The following GRID2 variants were observed in gnomAD, a reference collection of about 807,000 sequenced individuals.
GRID2 encodes glutamate ionotropic receptor delta type subunit 2.
Under a neutral mutation model 114.8 loss-of-function variants are expected in GRID2, and 33 were observed. The ratio of observed to expected loss-of-function variants is 0.29; its 90% CI spans 0.22 to 0.38. The LOEUF (loss-of-function observed/expected upper bound fraction) is 0.38, where lower values mean the gene tolerates loss of function less well. Among genes scored for constraint, GRID2 ranks in the 10% least tolerant of loss-of-function variants. The pLI, the probability that GRID2 is intolerant of heterozygous loss-of-function variation, is 1.00. For missense variants in GRID2, 1,184 were observed against 1,257.7 expected, an observed-to-expected ratio of 0.94 and a Z score of 0.89; for synonymous variants, 505 against 449.9, an observed-to-expected ratio of 1.12 and a Z score of -1.55.
intron 1 of GRID2, among the ~76,000 whole-genome samples, chr4:93,783,311 G>A (rs1734519560): frequency 6.6e-6 from 1 of 152,242 alleles, no homozygotes; most frequent in Non-Finnish European, 1.5e-5. Flanking sequence ...GGAAAGTTAA[G>A]TAATTTGGTT....
chr4:92,358,951 G>A (rs913338350), intron 1 of GRID2, among the ~76,000 whole-genome samples: 1 of 151,640 alleles, frequency 6.6e-6, no homozygotes, highest in African/African-American at 2.4e-5. Flanking sequence ...TTCATGTTTT[G>A]AACAATAGTA....
rs571169563 is a variant in GRID2 at position 93,706,583 on chromosome 4, T to C, written c.2361-62627T>C. Among the ~76,000 whole-genome samples the C allele has an allele frequency of 5.3e-5, 8 of 152,330 alleles. No individual in the cohort carries two copies. The South Asian group carries it at 1.7e-3, about 32-fold the overall frequency. On this transcript the variant is annotated intron_variant, in intron 14 of 15. Transcript: ENST00000282020. ...TTGATTTTGTATCCTGCAACTTTAC[T>C]AAATTTGTGTATCACCTCTAATAGT...
chr4:93,646,235 G>C (rs1390842885), intron 14 of GRID2, among the ~76,000 whole-genome samples: 2 of 152,078 alleles, frequency 1.3e-5, no homozygotes, highest in African/African-American at 4.8e-5. Context: ...ATATAACTGG[G>C]ACAGAGAATA....
chr4:93,653,804 A>G (rs1211162359), intron 14 of GRID2, among the ~76,000 whole-genome samples: 1 of 152,122 alleles, frequency 6.6e-6, no homozygotes, highest in African/African-American at 2.4e-5. Context: ...GAAAGTATAC[A>G]TAGTCAGCGT....
chr4:92,989,998 G>A (rs1340291565), intron 2 of GRID2, among the ~76,000 whole-genome samples: 1 of 152,026 alleles, frequency 6.6e-6, no homozygotes, highest in Non-Finnish European at 1.5e-5. Flanking sequence ...TGAAATCTCC[G>A]TGTTAAAAAA....
intron 2 of GRID2, among the ~76,000 whole-genome samples, chr4:92,954,104 T>C (rs1355688706): frequency 6.6e-6 from 1 of 152,094 alleles, no homozygotes; most frequent in Non-Finnish European, 1.5e-5. Flanking sequence ...GACACACACA[T>C]ATATGCACAG....
chr4:92,993,077 C>T (rs1043213002), intron 2 of GRID2, among the ~76,000 whole-genome samples: 3 of 151,924 alleles, frequency 2.0e-5, no homozygotes, highest in Non-Finnish European at 4.4e-5. Flanking sequence ...GTGTATCCAT[C>T]GAATTACAGT....
chr4:92,670,849 G>A (rs1733024099), intron 2 of GRID2, among the ~76,000 whole-genome samples: 1 of 152,030 alleles, frequency 6.6e-6, no homozygotes, highest in African/African-American at 2.4e-5. Flanking sequence ...TTGAGGTTTG[G>A]ACCTGAGACT....
chr4:92,453,089 C>T (rs1721027728), intron 1 of GRID2, among the ~76,000 whole-genome samples: 1 of 151,552 alleles, frequency 6.6e-6, no homozygotes, highest in African/African-American at 2.4e-5. Context: ...AAATCATGTC[C>T]TCTAAAGAGC....
At chr4:93,378,095 C>T (rs76008607) in intron 8 of GRID2, among the ~76,000 whole-genome samples, 2 of 152,046 alleles carry the variant, frequency 1.3e-5, no homozygotes, top group Admixed American at 6.6e-5. Context: ...CATGAGCCCT[C>T]CAAAAATGAT....
In GRID2 at chr4:92,968,024, C is replaced by T. The variant is rs780144282; in HGVS notation, c.245-116971C>T. ...CCTTGTGCGTCTATTTTCTAGAACA[C>T]CATTAGGCCTGATGTCTAGAGCATC... On this transcript the variant is annotated intron_variant, in intron 2 of 15. Transcript: ENST00000282020. 4.6e-5 allele frequency among the ~76,000 whole-genome samples: 7 copies of T among 151,874 alleles called. 1 individual carries two copies. The Middle Eastern group carries it at 0.01, about 221-fold the overall frequency.
chr4:93,207,160 G>T (rs926468476), intron 4 of GRID2, among the ~76,000 whole-genome samples: 2 of 151,916 alleles, frequency 1.3e-5, no homozygotes, highest in African/African-American at 4.8e-5. Flanking sequence ...TGAAACCCAT[G>T]GTTTTCTAGG....
intron 2 of GRID2, among the ~76,000 whole-genome samples, chr4:92,831,312 C>A (rs1407130846): frequency 1.3e-5 from 2 of 152,034 alleles, no homozygotes; most frequent in Non-Finnish European, 2.9e-5. Context: ...CACAGAAAAC[C>A]AAAGAGCTGC....
chr4:92,581,749 A>C (rs999155963), intron 1 of GRID2, among the ~76,000 whole-genome samples: 3 of 152,116 alleles, frequency 2.0e-5, no homozygotes, highest in Non-Finnish European at 4.4e-5. Flanking sequence ...TCACTATATC[A>C]AAAATATATT....
At chr4:93,083,496 A>G (rs1350902385) in intron 2 of GRID2, among the ~76,000 whole-genome samples, 1 of 151,960 alleles carries the variant, frequency 6.6e-6, no homozygotes, top group African/African-American at 2.4e-5. Context: ...GTTCCAGACC[A>G]GCCTGACCAA....
At chr4:92,975,304 CTG>C (rs1753801961) in intron 2 of GRID2, among the ~76,000 whole-genome samples, 1 of 151,256 alleles carries the variant, frequency 6.6e-6, no homozygotes, top group South Asian at 2.1e-4. Context: ...TTCTTTAAAA[CTG>C]TTTTTCAAAA....
At chr4:93,293,348 C>T (rs145799010) in intron 8 of GRID2, among the ~76,000 whole-genome samples, 2,780 of 151,996 alleles carry the variant, frequency 0.018, 37 homozygotes, top group Non-Finnish European at 0.026. Context: ...ACATTCAATA[C>T]TAATAAGTAA....
intron 14 of GRID2, among the ~76,000 whole-genome samples, chr4:93,672,437 T>G (rs11935880): frequency 0.031 from 4,679 of 152,340 alleles, 113 homozygotes; most frequent in African/African-American, 0.062. Context: ...GAAAAGGATA[T>G]CATGCAGCTA....
intron 8 of GRID2, among the ~76,000 whole-genome samples, chr4:93,313,888 C>T (rs1252088554): frequency 6.6e-6 from 1 of 152,120 alleles, no homozygotes; most frequent in East Asian, 1.9e-4. Context: ...TGAGTTGATG[C>T]ACAGATTGTG....
Sources: allele counts gnomAD v4.1 joint callset (sites outside exome capture counted in the v4.1 genomes callset), GRCh38; gene constraint gnomAD v4.1.1; transcripts MANE v1.5; gene names NCBI Gene and HGNC (gene_info 2026-07-23, HGNC 2026-07-21).